The following TENM3 variants were observed in gnomAD, a reference collection of about 807,000 sequenced individuals.
The protein encoded by TENM3 is teneurin-3.
TENM3 carries 63 observed loss-of-function variants against 255.1 expected under a neutral mutation model. The ratio of observed to expected loss-of-function variants is 0.25; its 90% CI spans 0.20 to 0.30. The LOEUF is 0.30. Ranked by LOEUF, TENM3 falls within the 10% of genes least tolerant of loss-of-function variation. The pLI is 1.00. For synonymous variants in TENM3, 1,306 were observed against 1,322.3 expected (o/e 0.99, Z 0.27); for missense variants, 2,929 against 3,461.1 (o/e 0.85, Z 3.86).
intron 6 of TENM3, among the ~76,000 whole-genome samples, chr4:182,671,967 C>T (rs189847099): frequency 3.0e-4 from 46 of 152,274 alleles, no homozygotes; most frequent in Non-Finnish European, 5.9e-4. Flanking sequence ...CCTCACTCCT[C>T]ACCCTCTTGT....
the TENM3 span, among the ~76,000 whole-genome samples, chr4:181,989,420 A>G: frequency 4.7e-4 from 71 of 152,256 alleles, no homozygotes; most frequent in African/African-American, 1.7e-3. Flanking sequence ...AGAACAGAAT[A>G]TAGTACCCTA....
the TENM3 span, among the ~76,000 whole-genome samples, chr4:181,457,307 G>A: frequency 1.3e-5 from 2 of 151,834 alleles, no homozygotes; most frequent in East Asian, 3.9e-4. Context: ...CCTTCAGTGA[G>A]CGGCTTAGTG....
chr4:182,788,024 T>TA (rs1765815568), intron 24 of TENM3, among the ~76,000 whole-genome samples: 1 of 152,230 alleles, frequency 6.6e-6, no homozygotes, highest in South Asian at 2.1e-4. Context: ...TATATACACA[T>TA]ATATTTATAT....
At chr4:181,609,164 C>T in the TENM3 span, among the ~76,000 whole-genome samples, 2 of 152,222 alleles carry the variant, frequency 1.3e-5, no homozygotes, top group East Asian at 3.9e-4. Flanking sequence ...GAAGGAAGTG[C>T]TGAAACAGAA....
the TENM3 span, among the ~76,000 whole-genome samples, chr4:181,722,131 C>G: frequency 6.6e-6 from 1 of 152,140 alleles, no homozygotes; most frequent in African/African-American, 2.4e-5. Context: ...CCACAACTGT[C>G]AGGCTAGTGT....
the TENM3 span, among the ~76,000 whole-genome samples, chr4:181,560,961 T>C: frequency 1.3e-5 from 2 of 152,192 alleles, no homozygotes; most frequent in African/African-American, 2.4e-5. Context: ...CCCTTAATTT[T>C]TATTTTTTTT....
At chr4:182,247,281 G>A (rs1413523545) in intron 1 of TENM3, among the ~76,000 whole-genome samples, 1 of 152,196 alleles carries the variant, frequency 6.6e-6, no homozygotes, top group African/African-American at 2.4e-5. Context: ...TATGAAGAGC[G>A]CAGTCGGAAC....
In TENM3 at chr4:182,160,210, G is replaced by T. The variant is rs1269411072; in HGVS notation, c.-76+15456G>T. On this transcript the variant is annotated intron_variant, in intron 1 of 2. Transcript: ENST00000512480. ...GTAGAGACGGGGTTTCACCGTGTTA[G>T]CCAGGATGGTCTCGATCTCCTGACC... Among the ~76,000 whole-genome samples, 6 of 151,554 alleles carry T rather than the reference G, an allele frequency of 4.0e-5. No individual in the cohort carries two copies. In the East Asian group the frequency reaches 5.8e-4, roughly 15 times the overall value.
At chr4:181,455,740 G>A in the TENM3 span, among the ~76,000 whole-genome samples, 80 of 151,882 alleles carry the variant, frequency 5.3e-4, no homozygotes, top group Middle Eastern at 3.4e-3. Context: ...ATATATTAAT[G>A]GCATTTAAAA....
intron 1 of TENM3, among the ~76,000 whole-genome samples, chr4:182,294,710 T>C (rs1761352986): frequency 6.6e-6 from 1 of 152,224 alleles, no homozygotes; most frequent in South Asian, 2.1e-4. Context: ...ACCACGGCTT[T>C]GCATTTACCA....
At chr4:181,946,274 G>A in the TENM3 span, among the ~76,000 whole-genome samples, 1 of 152,082 alleles carries the variant, frequency 6.6e-6, no homozygotes, top group Non-Finnish European at 1.5e-5. Flanking sequence ...GTCTAACCAA[G>A]TTACACTCAC....
the TENM3 span, among the ~76,000 whole-genome samples, chr4:181,664,739 C>T: frequency 6.6e-6 from 1 of 152,044 alleles, no homozygotes; most frequent in Non-Finnish European, 1.5e-5. Flanking sequence ...CTTGGCGGCC[C>T]GTGATGTCCA....
intron 1 of TENM3, among the ~76,000 whole-genome samples, chr4:182,215,893 C>T (rs976614008): frequency 5.3e-5 from 8 of 152,126 alleles, no homozygotes; most frequent in Admixed American, 5.2e-4. Context: ...TATGAAAACT[C>T]GCCTTTGGAA....
the TENM3 span, among the ~76,000 whole-genome samples, chr4:181,475,945 G>T: frequency 3.9e-5 from 6 of 152,224 alleles, no homozygotes; most frequent in Admixed American, 3.9e-4. Context: ...TCCCCTTGCA[G>T]AGCGCAGAGC....
chr4:182,677,332 C>T (rs1641913426), intron 7 of TENM3, among the ~76,000 whole-genome samples: 1 of 152,090 alleles, frequency 6.6e-6, no homozygotes, highest in Non-Finnish European at 1.5e-5. Context: ...ATGGTTATTT[C>T]TATGATAAAG....
At chr4:181,587,140 A>G in the TENM3 span, among the ~76,000 whole-genome samples, 1 of 152,178 alleles carries the variant, frequency 6.6e-6, no homozygotes, top group African/African-American at 2.4e-5. Flanking sequence ...TGTATTTAAC[A>G]TTAAATTCTC....
chr4:182,786,300 C>A (rs1157038639), intron 24 of TENM3, among the ~76,000 whole-genome samples: 2 of 151,962 alleles, frequency 1.3e-5, no homozygotes, highest in Non-Finnish European at 2.9e-5. Context: ...CTCACGCCTG[C>A]AATCCCAGCA....
At chr4:182,200,221 TG>T (rs1754103144) in intron 1 of TENM3, among the ~76,000 whole-genome samples, 2 of 152,208 alleles carry the variant, frequency 1.3e-5, no homozygotes, top group Non-Finnish European at 2.9e-5. Flanking sequence ...TCAGTCTAAA[TG>T]GGCCAGTTCT....
the TENM3 span, among the ~76,000 whole-genome samples, chr4:181,689,077 G>T: frequency 2.0e-5 from 3 of 152,170 alleles, no homozygotes; most frequent in African/African-American, 7.2e-5. Context: ...GCAGTAGGCT[G>T]GTGCTGAGGA....
Sources: allele counts gnomAD v4.1 joint callset (sites outside exome capture counted in the v4.1 genomes callset), GRCh38; gene constraint gnomAD v4.1.1; transcripts MANE v1.5; gene names NCBI Gene and HGNC (gene_info 2026-07-23, HGNC 2026-07-21).